The following TRPM3 variants were observed in gnomAD, a reference collection of about 807,000 sequenced individuals.
TRPM3 encodes long transient receptor potential channel 3.
TRPM3 carries 77 observed loss-of-function variants against 181.2 expected under a neutral mutation model. The observed-to-expected ratio is 0.42, with a 90% CI of 0.35 to 0.51. TRPM3 has a LOEUF of 0.51. TRPM3 is among the 20% of genes least tolerant of loss of function. TRPM3 has a pLI of 0.01. For missense variants in TRPM3, 1,759 were observed against 2,196.7 expected, an observed-to-expected ratio of 0.80 and a Z score of 3.98; for synonymous variants, 745 against 796.4, an observed-to-expected ratio of 0.94 and a Z score of 1.09.
At chr9:71,168,885 C>T (rs1044382266) in intron 1 of TRPM3, among the ~76,000 whole-genome samples, 1 of 151,996 alleles carries the variant, frequency 6.6e-6, no homozygotes, top group Non-Finnish European at 1.5e-5. Flanking sequence ...TTCACTGATA[C>T]AAAAGAAGAA....
At chr9:70,909,049 A>G (rs2096505805) in intron 1 of TRPM3, among the ~76,000 whole-genome samples, 1 of 152,244 alleles carries the variant, frequency 6.6e-6, no homozygotes, top group African/African-American at 2.4e-5. Flanking sequence ...GTAGGCAAAG[A>G]TTTCTTAGAC....
chr9:70,975,503 C>T (rs1351198268), intron 1 of TRPM3, among the ~76,000 whole-genome samples: 1 of 152,134 alleles, frequency 6.6e-6, no homozygotes, highest in East Asian at 1.9e-4. Context: ...TTTATATGTA[C>T]AGTTACCTAA....
In TRPM3 at chr9:70,625,166, G is replaced by T. The variant is rs764251378; in HGVS notation, c.1809+25C>A. The T allele has an allele frequency of 5.0e-6, 8 of 1,613,414 alleles. No individual in the cohort carries two copies. Among genetic ancestry groups the T allele is most frequent in the Non-Finnish European group, 6.8e-6 (8 of 1,179,690 alleles). Reference sequence around the variant, plus strand: ...ATACACCCTAGTCCTCCCAGGAAGGGCCCCGAATTTGCAGCCAGCCTCACC... The same window carrying T: ...ATACACCCTAGTCCTCCCAGGAAGGTCCCCGAATTTGCAGCCAGCCTCACC... On this transcript the variant is annotated intron_variant, in intron 14 of 25. Coordinates refer to ENST00000677713, the MANE Select transcript of TRPM3 (RefSeq NM_001366145.2). This position sits in a 1 kb window ranked among gnomAD's most constrained non-coding sequence, Gnocchi z 4.8.
intron 1 of TRPM3, among the ~76,000 whole-genome samples, chr9:71,018,775 A>C (rs1039758062): frequency 2.0e-5 from 3 of 151,890 alleles, no homozygotes; most frequent in Admixed American, 2.0e-4. Flanking sequence ...AAAAGGGAGA[A>C]TATTTCCCAA....
intron 1 of TRPM3, among the ~76,000 whole-genome samples, chr9:71,194,936 T>C (rs1353220635): frequency 3.3e-5 from 5 of 152,040 alleles, no homozygotes; most frequent in Non-Finnish European, 7.4e-5. Flanking sequence ...AATTTCTAAG[T>C]ACGTCCTTAA....
chr9:71,419,572 T>C (rs2093694430), intron 1 of TRPM3, among the ~76,000 whole-genome samples: 2 of 151,948 alleles, frequency 1.3e-5, no homozygotes, highest in African/African-American at 4.8e-5. Context: ...AATGGGGTAA[T>C]AGCAAAAGAG....
intron 1 of TRPM3, among the ~76,000 whole-genome samples, chr9:70,932,989 TA>T (rs1203444729): frequency 6.6e-6 from 1 of 152,100 alleles, no homozygotes; most frequent in Non-Finnish European, 1.5e-5. Flanking sequence ...GTAATTTCAG[TA>T]AGATTTGATG....
chr9:70,823,078 G>A (rs185633921), intron 6 of TRPM3, among the ~76,000 whole-genome samples: 2 of 152,076 alleles, frequency 1.3e-5, no homozygotes, highest in East Asian at 1.9e-4. Flanking sequence ...TCCTCCTCAC[G>A]GAGGCTAGGC....
At chr9:70,597,411 G>C (rs1371441609) in intron 21 of TRPM3, among the ~76,000 whole-genome samples, 1 of 152,166 alleles carries the variant, frequency 6.6e-6, no homozygotes, top group Non-Finnish European at 1.5e-5. Flanking sequence ...CGTCATGGTA[G>C]GACAGATGTA....
At chr9:71,280,849 C>A (rs921017474) in intron 1 of TRPM3, among the ~76,000 whole-genome samples, 4 of 152,214 alleles carry the variant, frequency 2.6e-5, no homozygotes, top group African/African-American at 7.2e-5. Flanking sequence ...GGCACACATT[C>A]AAGGAGGAAC....
chr9:71,374,676 A>G (rs1486186796), intron 1 of TRPM3, among the ~76,000 whole-genome samples: 1 of 152,220 alleles, frequency 6.6e-6, no homozygotes, highest in African/African-American at 2.4e-5. Context: ...TGCAGGTGAC[A>G]TGATCCTATA....
chr9:70,938,913 G>A (rs1004056647), intron 1 of TRPM3, among the ~76,000 whole-genome samples: 12 of 151,142 alleles, frequency 7.9e-5, no homozygotes, highest in East Asian at 1.9e-4. Context: ...AGCCAAGATC[G>A]CGCCACTGCA....
chr9:70,886,216 G>A (rs565026791), intron 1 of TRPM3, among the ~76,000 whole-genome samples: 71 of 152,242 alleles, frequency 4.7e-4, no homozygotes, highest in African/African-American at 1.6e-3. Flanking sequence ...ATAAACACAT[G>A]AGCCATGGCT....
intron 1 of TRPM3, among the ~76,000 whole-genome samples, chr9:71,192,108 T>C (rs1282873457): frequency 6.6e-6 from 1 of 151,858 alleles, no homozygotes; most frequent in African/African-American, 2.4e-5. Flanking sequence ...CGTAAATATA[T>C]TATAGCAAAA....
chr9:71,163,038 T>C (rs1162327353), intron 1 of TRPM3, among the ~76,000 whole-genome samples: 1 of 152,128 alleles, frequency 6.6e-6, no homozygotes, highest in Non-Finnish European at 1.5e-5. Flanking sequence ...AAAGAATAAA[T>C]GTTAGGGAGC....
intron 1 of TRPM3, among the ~76,000 whole-genome samples, chr9:71,220,285 AG>A (rs1319378094): frequency 6.6e-6 from 1 of 152,084 alleles, no homozygotes; most frequent in Non-Finnish European, 1.5e-5. Context: ...AATAGTTAGT[AG>A]ATGTCATTAC....
intron 1 of TRPM3, among the ~76,000 whole-genome samples, chr9:71,223,073 A>G (rs2080342687): frequency 6.6e-6 from 1 of 152,084 alleles, no homozygotes; most frequent in Admixed American, 6.5e-5. Context: ...TGACCTACTG[A>G]GACATCAGCC....
At chr9:70,808,408 TC>T (rs1467125004) in intron 6 of TRPM3, among the ~76,000 whole-genome samples, 2 of 152,200 alleles carry the variant, frequency 1.3e-5, no homozygotes, top group Non-Finnish European at 2.9e-5. Flanking sequence ...TAGAAAAGTC[TC>T]TTTGCTGAAA....
intron 22 of TRPM3, among the ~76,000 whole-genome samples, chr9:70,565,191 T>C (rs927627868): frequency 1.3e-5 from 2 of 152,250 alleles, no homozygotes; most frequent in South Asian, 2.1e-4. Context: ...AGCACACCCT[T>C]GTATAGTGGG....
Sources: gnomAD v4.1 joint callset for allele counts (sites outside exome capture counted in the v4.1 genomes callset) on GRCh38, gnomAD v4.1.1 for gene constraint, Gnocchi (gnomAD v3.1) non-coding constraint, MANE v1.5 for transcripts, NCBI Gene and HGNC (gene_info 2026-07-23, HGNC 2026-07-21) for gene names.